The following TMEM232 variants were observed in gnomAD, a reference collection of about 807,000 sequenced individuals.
TMEM232 encodes the protein transmembrane protein 232.
In TMEM232, 80 loss-of-function variants were observed where a neutral mutation model predicts 78.8. That is an observed-to-expected ratio of 1.01 (90% CI 0.85 to 1.22). The LOEUF is 1.22. Ranked by LOEUF, TMEM232 falls within the 50% of genes most tolerant of loss-of-function variation. The pLI is 0.00. For synonymous variants in TMEM232, 297 were observed against 254.3 expected, an observed-to-expected ratio of 1.17 and a Z score of -1.60; for missense variants, 881 against 742.2, an observed-to-expected ratio of 1.19 and a Z score of -2.17.
chr5:110,624,380 A>T (rs1784151064), intron 7 of TMEM232, among the ~76,000 whole-genome samples: 1 of 151,856 alleles, frequency 6.6e-6, no homozygotes, highest in Non-Finnish European at 1.5e-5. Context: ...GATGATGATG[A>T]CTATGACAAT....
intron 12 of TMEM232, among the ~76,000 whole-genome samples, chr5:110,527,797 C>A (rs1390251575): frequency 2.0e-5 from 3 of 151,844 alleles, no homozygotes; most frequent in Admixed American, 6.6e-5. Context: ...GGAAAGCTGA[C>A]TTTATAGTAA....
chr5:110,681,392 C>G (rs188373947), intron 1 of TMEM232, among the ~76,000 whole-genome samples: 33 of 152,208 alleles, frequency 2.2e-4, no homozygotes, highest in Admixed American at 1.7e-3. Context: ...TCCCTCTTCC[C>G]TAATTATTCA....
At position 110,717,847 on chromosome 5, in the gene TMEM232, C is replaced by T. The variant is rs563563645; in HGVS notation, c.-13+8780G>A. The stretch of plus-strand genomic sequence containing the variant: ...TCCCCTTTGCTTTCTGCCACAACTG[C>T]ATGTTTCCTGAGGCCTCCCCAGCTA... On this transcript the variant is annotated intron_variant, in intron 1 of 13. Coordinates refer to ENST00000455884, the MANE Select transcript of TMEM232 (RefSeq NM_001039763.4). 5.3e-5 allele frequency among the ~76,000 whole-genome samples: 8 copies of T among 152,222 alleles called. No individual in the cohort carries two copies. The South Asian group carries it at 1.7e-3, about 32-fold the overall frequency.
chr5:110,446,066 AG>A (rs1759613537), intron 12 of TMEM232, among the ~76,000 whole-genome samples: 1 of 152,160 alleles, frequency 6.6e-6, no homozygotes, highest in South Asian at 2.1e-4. Flanking sequence ...TGCCTTCCAT[AG>A]GGGTGAAGCC....
At chr5:110,673,131 T>G (rs966029002) in intron 1 of TMEM232, among the ~76,000 whole-genome samples, 1 of 152,082 alleles carries the variant, frequency 6.6e-6, no homozygotes, top group Non-Finnish European at 1.5e-5. Context: ...CCATAAAAAA[T>G]GATGAGTTCA....
rs376237966 is a variant in TMEM232 at position 110,528,569 on chromosome 5, C to T, written c.1703+19G>A. On this transcript the variant is annotated intron_variant, in intron 12 of 13. Transcript: ENST00000455884. ...TTGTAATGTATTAGAACAATAAAAC[C>T]GATAGTACTTCTCTTTACCTTACAG... is the stretch of plus-strand genomic sequence containing the variant. 6.0e-5 allele frequency: 90 copies of T among 1,508,340 alleles called. No homozygotes were observed. Among genetic ancestry groups the T allele is most frequent in the East Asian group, 5.9e-4 (24 of 40,418 alleles). The allele number at this position is 1,508,340 out of a possible 1,614,324, so 93.4% of individuals were successfully genotyped here. A position where few individuals can be genotyped will look rare whatever the true frequency, so the allele number is the denominator to read the frequency against.
chr5:110,576,201 T>C (rs1191631551), intron 10 of TMEM232, among the ~76,000 whole-genome samples: 1 of 151,970 alleles, frequency 6.6e-6, no homozygotes, highest in Non-Finnish European at 1.5e-5. Context: ...GCATGCAAAA[T>C]CGATGCGCAA....
At chr5:110,453,414 A>C (rs1760535244) in intron 12 of TMEM232, among the ~76,000 whole-genome samples, 1 of 151,684 alleles carries the variant, frequency 6.6e-6, no homozygotes, top group African/African-American at 2.4e-5. Context: ...TGATTTTCTC[A>C]CCTCAGCCTC....
At chr5:110,658,887 A>C (rs1789433913) in intron 2 of TMEM232, among the ~76,000 whole-genome samples, 1 of 152,174 alleles carries the variant, frequency 6.6e-6, no homozygotes, top group Non-Finnish European at 1.5e-5. Context: ...TGACAGATTC[A>C]TCTTAAAACC....
chr5:110,555,530 G>A (rs1033094345), intron 11 of TMEM232, among the ~76,000 whole-genome samples: 2 of 152,148 alleles, frequency 1.3e-5, no homozygotes, highest in African/African-American at 4.8e-5. Context: ...TTTTGGTAAA[G>A]TGTCAAGTTT....
chr5:110,690,695 T>C (rs983264853), intron 1 of TMEM232, among the ~76,000 whole-genome samples: 4 of 152,188 alleles, frequency 2.6e-5, no homozygotes, highest in Non-Finnish European at 5.9e-5. Context: ...TGCAGCACTA[T>C]TCACAGTAGC....
chr5:110,725,455 C>G (rs528927424), intron 1 of TMEM232: 1 of 152,282 alleles, frequency 6.6e-6, no homozygotes, highest in African/African-American at 2.4e-5. Context: ...AACTTCAAGA[C>G]AGGAACATTT....
At chr5:110,477,689 AAACT>A (rs1446356345) in intron 12 of TMEM232, among the ~76,000 whole-genome samples, 3 of 151,810 alleles carry the variant, frequency 2.0e-5, no homozygotes, top group Non-Finnish European at 4.4e-5. Context: ...CTTCTTTTAT[AAACT>A]GCTTACAAAA....
intron 1 of TMEM232, among the ~76,000 whole-genome samples, chr5:110,735,722 T>C (rs114115283): frequency 0.021 from 3,220 of 152,288 alleles, 101 homozygotes; most frequent in African/African-American, 0.073. Flanking sequence ...TGTTTCCCCC[T>C]TGCTGTCTGT....
intron 1 of TMEM232, among the ~76,000 whole-genome samples, chr5:110,698,035 C>A (rs1795001765): frequency 6.6e-6 from 1 of 152,104 alleles, no homozygotes; most frequent in South Asian, 2.1e-4. Context: ...TTGGAACCAA[C>A]CCAAATGTCC....
intron 10 of TMEM232, among the ~76,000 whole-genome samples, chr5:110,584,209 T>C (rs1296307174): frequency 3.3e-5 from 5 of 151,816 alleles, no homozygotes; most frequent in Admixed American, 3.3e-4. Flanking sequence ...CCATATTCAT[T>C]GCAGCACTGT....
chr5:110,491,838 T>G (rs1371781105), intron 12 of TMEM232, among the ~76,000 whole-genome samples: 2 of 151,634 alleles, frequency 1.3e-5, no homozygotes, highest in East Asian at 3.9e-4. Context: ...ATTTGAAATA[T>G]GGGAAAAGTA....
In TMEM232 at chr5:110,533,493, G is replaced by A. The variant is rs551204362; in HGVS notation, c.1456-4658C>T. Reference sequence around the variant, plus strand: ...CTCATGTCTGTGTGCAGCAGCTGCCGCTGCTTTAATACTTTTAGAGGCCCT... The same window carrying A: ...CTCATGTCTGTGTGCAGCAGCTGCCACTGCTTTAATACTTTTAGAGGCCCT... On this transcript the variant is annotated intron_variant, in intron 11 of 13. Coordinates refer to ENST00000455884, the MANE Select transcript of TMEM232 (RefSeq NM_001039763.4). Among the ~76,000 whole-genome samples the A allele has an allele frequency of 4.3e-3, 661 of 152,208 alleles. 5 individuals carry two copies. The highest frequency in any genetic ancestry group is 0.015 in the African/African-American group (630 of 41,520).
chr5:110,422,380 C>T (rs542504088), intron 13 of TMEM232, among the ~76,000 whole-genome samples: 4 of 151,260 alleles, frequency 2.6e-5, no homozygotes, highest in South Asian at 2.1e-4. Context: ...ATTAGCCGGG[C>T]GTGGTGGCGG....
Sources: gnomAD v4.1 joint callset for allele counts (sites outside exome capture counted in the v4.1 genomes callset) on GRCh38, gnomAD v4.1.1 for gene constraint, MANE v1.5 for transcripts, NCBI Gene and HGNC (gene_info 2026-07-23, HGNC 2026-07-21) for gene names.